Variants in APBB2 observed in about 807,000 individuals in gnomAD.
APBB2 encodes amyloid beta precursor protein binding family B member 2, also known as Fe65-like 1.
APBB2 carries 38 observed loss-of-function variants against 82.5 expected under a neutral mutation model. The observed-to-expected ratio is 0.46, with a 90% CI of 0.36 to 0.60. The LOEUF (loss-of-function observed/expected upper bound fraction) is 0.60. Among genes scored for constraint, APBB2 ranks in the 20% least tolerant of loss-of-function variants. The pLI is 0.00. For missense variants in APBB2, 772 were observed against 972.3 expected (o/e 0.79, Z 2.74); for synonymous variants, 341 against 368.2 (o/e 0.93, Z 0.85).
At chr4:40,924,689 A>G (rs1782160448) in intron 10 of APBB2, among the ~76,000 whole-genome samples, 1 of 152,244 alleles carries the variant, frequency 6.6e-6, no homozygotes. Flanking sequence ...AGGATCCTCC[A>G]GCTCCGGCCG....
At chr4:40,836,642 C>G (rs1033346483) in intron 12 of APBB2, among the ~76,000 whole-genome samples, 1 of 151,990 alleles carries the variant, frequency 6.6e-6, no homozygotes, top group African/African-American at 2.4e-5. Flanking sequence ...GAGGCTGGTC[C>G]CAAAGATATC....
At position 41,068,881 on chromosome 4, in the gene APBB2, C is replaced by T. The variant is rs986605367; in HGVS notation, c.-148-3208G>A. Among the ~76,000 whole-genome samples, 8 of 145,572 alleles carry T rather than the reference C, an allele frequency of 5.5e-5. No individual in the cohort carries two copies. The South Asian group carries it at 8.6e-4, about 16-fold the overall frequency. On this transcript the variant is annotated intron_variant, in intron 3 of 17. Coordinates refer to ENST00000508593, the MANE Select transcript of APBB2 (RefSeq NM_004307.2). Reference sequence around the variant, plus strand: ...CGTGATCTCAGCTTACTGCAACCTCCGACTTCCTGGTTCAAGTAATTCTGC... The same window carrying T: ...CGTGATCTCAGCTTACTGCAACCTCTGACTTCCTGGTTCAAGTAATTCTGC...
intron 1 of APBB2, among the ~76,000 whole-genome samples, chr4:41,158,529 G>A (rs540648600): frequency 6.6e-6 from 1 of 152,306 alleles, no homozygotes; most frequent in African/African-American, 2.4e-5. Flanking sequence ...CCCAAAATGT[G>A]TATTTTGACA....
chr4:41,112,083 G>C (rs757691530), intron 2 of APBB2, among the ~76,000 whole-genome samples: 13 of 152,168 alleles, frequency 8.5e-5, no homozygotes, highest in Non-Finnish European at 1.9e-4. Flanking sequence ...AAGGTGAAAT[G>C]AAATAAATTA....
At chr4:40,820,010 A>G (rs1246639106) in intron 17 of APBB2, among the ~76,000 whole-genome samples, 1 of 152,136 alleles carries the variant, frequency 6.6e-6, no homozygotes, top group Non-Finnish European at 1.5e-5. Flanking sequence ...TATTTACAGC[A>G]CTTTCTACAC....
chr4:40,837,418 C>A (rs534057282), intron 12 of APBB2, among the ~76,000 whole-genome samples: 1 of 152,218 alleles, frequency 6.6e-6, no homozygotes, highest in Non-Finnish European at 1.5e-5. Context: ...ACTCATTAAC[C>A]GGGCGCCTCA....
chr4:41,174,334 G>T (rs1417952720), intron 1 of APBB2, among the ~76,000 whole-genome samples: 1 of 152,122 alleles, frequency 6.6e-6, no homozygotes. Flanking sequence ...AGAATCTCAA[G>T]AAAGCTATAA....
In APBB2 at chr4:40,944,976, G is replaced by A; in HGVS notation, c.933C>T (p.Ile311=). The change falls in exon 7 of 18, where the codon ATC becomes ATT. Residue 311 remains isoleucine, a synonymous_variant. Transcript: ENST00000508593. ...SDIAGTYYWH[I]PTGTTQWERP... ...GTTCCCACTGAGTCGTTCCTGTTGG[G>A]ATGTGCCAATAATAGGTCCCGGCAA... is the stretch of plus-strand genomic sequence containing the variant. 1 of 1,598,226 alleles carries A rather than the reference G, an allele frequency of 6.3e-7. No homozygotes were observed. The highest frequency in any genetic ancestry group is 8.5e-7 in the Non-Finnish European group (1 of 1,170,310).
intron 3 of APBB2, among the ~76,000 whole-genome samples, chr4:41,092,683 C>T (rs530253603): frequency 1.8e-4 from 24 of 136,654 alleles, no homozygotes; most frequent in Non-Finnish European, 3.0e-4. Context: ...AGTGAGACTC[C>T]GTCTCAAAAA....
At chr4:41,199,160 G>A (rs1434893618) in intron 1 of APBB2, among the ~76,000 whole-genome samples, 1 of 150,114 alleles carries the variant, frequency 6.7e-6, no homozygotes, top group Non-Finnish European at 1.5e-5. Flanking sequence ...TATTTTTGGG[G>A]GGGACACAAT....
chr4:41,001,833 G>A (rs774756934), intron 6 of APBB2, among the ~76,000 whole-genome samples: 7 of 151,076 alleles, frequency 4.6e-5, no homozygotes, highest in East Asian at 3.9e-4. Context: ...AGCCGAAATC[G>A]CGCCACTGCA....
chr4:40,830,430 A>G lies in APBB2; in HGVS notation c.1644+33T>C, dbSNP rs769280675. ...CTTTTATGCAGCAAGAAAAAAAGAGAGAGGCGGCCCATACTGCCCTGACCC... is the reference window on the plus strand; with the variant it reads ...CTTTTATGCAGCAAGAAAAAAAGAGGGAGGCGGCCCATACTGCCCTGACCC... On this transcript the variant is annotated intron_variant, in intron 13 of 17. Coordinates refer to ENST00000508593, the MANE Select transcript of APBB2 (RefSeq NM_004307.2). 2.1e-6 allele frequency: 3 copies of G among 1,457,500 alleles called. No homozygotes were observed. The African/African-American group carries it at 4.2e-5, about 20-fold the overall frequency. The allele number at this position is 1,457,500 out of a possible 1,614,324, so 90.3% of individuals were successfully genotyped here. A position where few individuals can be genotyped will look rare whatever the true frequency, so the allele number is the denominator to read the frequency against.
chr4:41,177,043 A>G (rs931176404), intron 1 of APBB2, among the ~76,000 whole-genome samples: 1 of 151,872 alleles, frequency 6.6e-6, no homozygotes, highest in Non-Finnish European at 1.5e-5. Context: ...CATGGGGGAA[A>G]CTGGGCTGAT....
chr4:40,939,480 C>T (rs1786282674), intron 7 of APBB2, among the ~76,000 whole-genome samples: 1 of 152,190 alleles, frequency 6.6e-6, no homozygotes, highest in Non-Finnish European at 1.5e-5. Context: ...CTCTCAATGC[C>T]ATTTTGTCAA....
intron 6 of APBB2, among the ~76,000 whole-genome samples, chr4:40,967,618 G>C (rs1167759540): frequency 6.6e-6 from 1 of 152,184 alleles, no homozygotes; most frequent in Non-Finnish European, 1.5e-5. Context: ...GGTATGCCTG[G>C]CTGTGTGCAG....
In APBB2 at chr4:40,944,849, A is replaced by G. The variant is rs1468325805; in HGVS notation, c.1044+16T>C. 1.9e-6 allele frequency: 3 copies of G among 1,611,076 alleles called. No individual in the cohort carries two copies. Among genetic ancestry groups the G allele is most frequent in the Non-Finnish European group, 2.5e-6 (3 of 1,178,880 alleles). On this transcript the variant is annotated intron_variant, in intron 7 of 17. Coordinates refer to ENST00000508593, the MANE Select transcript of APBB2 (RefSeq NM_004307.2). The stretch of plus-strand genomic sequence containing the variant: ...CATCTATTCTACTAAGCTGGTAAAA[A>G]GACACTCCGTTTTACCTCGTTCTCT...
intron 1 of APBB2, among the ~76,000 whole-genome samples, chr4:41,155,085 A>G (rs2154030116): frequency 6.6e-6 from 1 of 152,360 alleles, no homozygotes. Context: ...GGTCATCATT[A>G]AAGTTTATTT....
chr4:40,819,085 A>G (rs1300374845), intron 17 of APBB2, among the ~76,000 whole-genome samples: 3 of 149,756 alleles, frequency 2.0e-5, no homozygotes, highest in African/African-American at 4.9e-5. Context: ...CCCAAGCTCC[A>G]CCCATTCTTG....
intron 12 of APBB2, among the ~76,000 whole-genome samples, chr4:40,886,719 G>A (rs954383605): frequency 6.6e-6 from 1 of 152,062 alleles, no homozygotes; most frequent in Non-Finnish European, 1.5e-5. Flanking sequence ...GGCCTCAGTC[G>A]CCAAGGGCAG....
Sources: allele counts gnomAD v4.1 joint callset (sites outside exome capture counted in the v4.1 genomes callset), GRCh38; gene constraint gnomAD v4.1.1; transcripts MANE v1.5; gene names NCBI Gene and HGNC (gene_info 2026-07-23, HGNC 2026-07-21).